MAD1L1: variants seen among roughly 807,000 people sequenced by gnomAD.
MAD1L1 encodes mitotic spindle assembly checkpoint protein MAD1.
Under a neutral mutation model 96.9 loss-of-function variants are expected in MAD1L1, and 95 were observed. The ratio of observed to expected loss-of-function variants is 0.98; its 90% confidence interval spans 0.83 to 1.16. The LOEUF is 1.16. Ranked by LOEUF, MAD1L1 falls within the 50% of genes most tolerant of loss-of-function variation. The pLI is 0.00. For synonymous variants in MAD1L1, 473 were observed against 396.6 expected, an observed-to-expected ratio of 1.19 and a Z score of -2.29; for missense variants, 1,007 against 954.4, an observed-to-expected ratio of 1.06 and a Z score of -0.73.
chr7:2,014,062 C>T (rs1001269004), intron 13 of MAD1L1, among the ~76,000 whole-genome samples: 1 of 152,164 alleles, frequency 6.6e-6, no homozygotes, highest in African/African-American at 2.4e-5. Context: ...CGCCCTGGGC[C>T]TCACACCCTG....
In MAD1L1 at chr7:2,088,782, C is replaced by G. The variant is rs1279329838; in HGVS notation, c.1074-19444G>C. On this transcript the variant is annotated intron_variant, in intron 11 of 18. Coordinates refer to ENST00000265854, the MANE Select transcript of MAD1L1 (RefSeq NM_001013836.2). The surrounding 1 kb of genome is among the most constrained non-coding windows in gnomAD (Gnocchi z 4.4). Reference sequence around the variant, plus strand: ...TTTCCTGGGTGCCCCAAAGCACACACCAGATTCTCACCAGCAGTGAAGCCA... The same window carrying G: ...TTTCCTGGGTGCCCCAAAGCACACAGCAGATTCTCACCAGCAGTGAAGCCA... The G allele has an allele frequency of 2.0e-5, 3 of 152,474 alleles. No homozygotes were observed. Among genetic ancestry groups the G allele is most frequent in the Non-Finnish European group, 4.4e-5 (3 of 68,212 alleles). 9.4% of individuals were successfully genotyped at this position (152,474 alleles called of 1,614,324 possible).
chr7:2,107,976 A>AC (rs373212031), intron 11 of MAD1L1, among the ~76,000 whole-genome samples: 3 of 150,430 alleles, frequency 2.0e-5, no homozygotes, highest in Non-Finnish European at 3.0e-5. Flanking sequence ...AGACACCGGC[A>AC]CCCCCCCACC....
chr7:1,889,735 G>A (rs925676485), intron 18 of MAD1L1, among the ~76,000 whole-genome samples: 27 of 152,352 alleles, frequency 1.8e-4, no homozygotes, highest in African/African-American at 6.0e-4. Flanking sequence ...TCTGCAGGCC[G>A]GATGCTGCTG....
rs767098065 is a variant in MAD1L1 at position 2,014,641 on chromosome 7, T to A, written c.1220A>T (p.Glu407Val). 1.2e-6 allele frequency: 2 copies of A among 1,607,972 alleles called. No homozygotes were observed. The highest frequency in any genetic ancestry group is 8.5e-7 in the Non-Finnish European group (1 of 1,177,256). ...CAGGATGGCCCGCATACCGTCCCGC[T>A]CCTGTGGACACAGAGGGCAGCTGAT... ...LQKRVLLLTK[E>V]RDGMRAILGS... The change falls in exon 13 of 19, where the codon GAG becomes GTG. Residue 407 changes from glutamate to valine, a missense_variant and splice_region_variant. Transcript: ENST00000265854.
At chr7:1,826,251 C>T (rs562288153) in intron 18 of MAD1L1, among the ~76,000 whole-genome samples, 1 of 152,140 alleles carries the variant, frequency 6.6e-6, no homozygotes, top group East Asian at 1.9e-4. Context: ...GCAGCAGCCA[C>T]CACCGAGCCC....
intron 13 of MAD1L1, among the ~76,000 whole-genome samples, chr7:2,010,677 A>G (rs1782257855): frequency 6.6e-6 from 1 of 152,246 alleles, no homozygotes; most frequent in Non-Finnish European, 1.5e-5. Context: ...GGTCCAGATG[A>G]GAACAGACTG....
At chr7:2,007,328 C>T (rs552286400) in intron 13 of MAD1L1, among the ~76,000 whole-genome samples, 1 of 152,206 alleles carries the variant, frequency 6.6e-6, no homozygotes, top group Admixed American at 6.5e-5. Context: ...TGTGCAGTAA[C>T]GCGTCACTGG....
chr7:2,201,132 G>C (rs923108637), intron 10 of MAD1L1, among the ~76,000 whole-genome samples: 4 of 152,180 alleles, frequency 2.6e-5, no homozygotes, highest in African/African-American at 9.7e-5. Context: ...AGGAATGTTG[G>C]GTGGGGAGCT....
intron 18 of MAD1L1, among the ~76,000 whole-genome samples, chr7:1,869,355 G>A (rs1234645355): frequency 6.6e-6 from 1 of 152,086 alleles, no homozygotes; most frequent in East Asian, 1.9e-4. Flanking sequence ...AGCTCTCCCT[G>A]AACTCCACCT....
chr7:1,870,516 C>A (rs1333293692), intron 18 of MAD1L1, among the ~76,000 whole-genome samples: 1 of 147,396 alleles, frequency 6.8e-6, no homozygotes, highest in Non-Finnish European at 1.5e-5. Flanking sequence ...CACACTGAAC[C>A]CAACATAAGC....
chr7:1,955,065 C>G (rs532072943), intron 16 of MAD1L1, among the ~76,000 whole-genome samples: 1 of 152,232 alleles, frequency 6.6e-6, no homozygotes, highest in Non-Finnish European at 1.5e-5. Context: ...GGGAGGGCAG[C>G]GGCACTCGCG....
chr7:2,084,672 T>C (rs1295360807), intron 11 of MAD1L1, among the ~76,000 whole-genome samples: 1 of 152,186 alleles, frequency 6.6e-6, no homozygotes, highest in Non-Finnish European at 1.5e-5. Context: ...GATCCCTGCA[T>C]TGGAGAACCT....
At chr7:2,232,101 T>C (rs879861094) in intron 1 of MAD1L1, among the ~76,000 whole-genome samples, 1 of 152,130 alleles carries the variant, frequency 6.6e-6, no homozygotes, top group Admixed American at 6.5e-5. Context: ...GTAAAGAACT[T>C]TGCACCCCCA....
At position 2,008,867 on chromosome 7, in the gene MAD1L1, T is replaced by A. The variant is rs781268426; in HGVS notation, c.1359+5635A>T. ...GAACACGGCTCCATCCCAAACGACC[T>A]GACGCAGTGCTCGGGTTCCCCAGGA... On this transcript the variant is annotated intron_variant, in intron 13 of 18. Coordinates refer to ENST00000265854, the MANE Select transcript of MAD1L1 (RefSeq NM_001013836.2). 2.0e-5 allele frequency among the ~76,000 whole-genome samples: 3 copies of A among 152,128 alleles called. No individual in the cohort carries two copies. In the South Asian group the frequency reaches 6.2e-4, roughly 32 times the overall value.
intron 16 of MAD1L1, among the ~76,000 whole-genome samples, chr7:1,946,170 C>T (rs1013830432): frequency 1.3e-5 from 2 of 152,228 alleles, no homozygotes; most frequent in Non-Finnish European, 2.9e-5. Flanking sequence ...GCCACCCCTG[C>T]CCTCTGTGCA....
At chr7:2,194,069 G>C (rs547622193) in intron 10 of MAD1L1, among the ~76,000 whole-genome samples, 1 of 148,536 alleles carries the variant, frequency 6.7e-6, no homozygotes, top group East Asian at 2.0e-4. Flanking sequence ...TTGGCCTCTC[G>C]AGTTGTTGGG....
intron 14 of MAD1L1, among the ~76,000 whole-genome samples, chr7:1,988,670 G>C (rs1180765533): frequency 6.6e-6 from 1 of 152,220 alleles, no homozygotes; most frequent in East Asian, 1.9e-4. Context: ...AGCGTGGCTG[G>C]GGAGGGCAGC....
At chr7:1,943,493 T>G (rs139564502) in intron 16 of MAD1L1, among the ~76,000 whole-genome samples, 10 of 152,306 alleles carry the variant, frequency 6.6e-5, no homozygotes, top group African/African-American at 2.2e-4. Flanking sequence ...GACAGACTTC[T>G]ATGAGTTCAA....
chr7:2,227,533 A>G (rs1235041370), intron 3 of MAD1L1, among the ~76,000 whole-genome samples: 1 of 152,170 alleles, frequency 6.6e-6, no homozygotes, highest in Non-Finnish European at 1.5e-5. Context: ...CCCACAATGC[A>G]CAAGAAAGTC....
Sources: allele counts gnomAD v4.1 joint callset (sites outside exome capture counted in the v4.1 genomes callset), GRCh38; gene constraint gnomAD v4.1.1; non-coding constraint Gnocchi (gnomAD v3.1); transcripts MANE v1.5; gene names NCBI Gene and HGNC (gene_info 2026-07-23, HGNC 2026-07-21).